The following POU4F2 variants were observed in gnomAD, a reference collection of about 807,000 sequenced individuals.
POU4F2 encodes POU class 4 homeobox 2, also known as POU domain, class 4, transcription factor 2.
In POU4F2, 10 loss-of-function variants were observed where a neutral mutation model predicts 21.5. That is an observed-to-expected ratio of 0.46 (90% CI 0.29 to 0.79). The LOEUF (loss-of-function observed/expected upper bound fraction) is 0.79. Ranked by LOEUF, POU4F2 falls within the 30% of genes least tolerant of loss-of-function variation. The pLI is 0.10. For missense variants in POU4F2, 623 were observed against 603.3 expected (o/e 1.03, Z -0.34); for synonymous variants, 324 against 271.1 (o/e 1.20, Z -1.92).
At position 146,640,064 on chromosome 4, in the gene POU4F2, G is replaced by A. The variant is rs1440853467; in HGVS notation, c.486G>A (p.Ser162=). ...CCTCTTCTTCATCGGTGCCCATCTC[G>A]CACCCTTCCGCGTTGGCGGGCACGC... The part of the protein sequence containing the change: ...SAASSSSVPI[S]HPSALAGTHH... The change falls in exon 2 of 2, where the codon TCG becomes TCA. Residue 162 remains serine, a synonymous_variant. Transcript: ENST00000281321. This position sits in a 1 kb window ranked among gnomAD's most constrained non-coding sequence, Gnocchi z 4.8. 6.2e-7 allele frequency: 1 copy of A among 1,607,186 alleles called. No homozygotes were observed. The highest frequency in any genetic ancestry group is 8.5e-7 in the Non-Finnish European group (1 of 1,179,844).
In POU4F2 at chr4:146,641,594, T is replaced by G. The variant is rs1227894664; in HGVS notation, c.*786T>G. On this transcript the variant is annotated 3_prime_UTR_variant, in exon 2 of 2. Transcript: ENST00000281321. ...TATAGCTAGTAACGTTCAAAAAATT[T>G]TGTTTGATGAGTTTACCGAATTTTT... 6.6e-6 allele frequency: 1 copy of G among 152,628 alleles called. No homozygotes were observed. Among genetic ancestry groups the G allele is most frequent in the Admixed American group, 6.5e-5 (1 of 15,284 alleles). The allele number at this position is 152,628 out of a possible 1,614,324, so 9.5% of individuals were successfully genotyped here.
chr4:146,638,990 G>A lies in POU4F2; in HGVS notation c.-151G>A. 1.0e-6 allele frequency: 1 copy of A among 963,438 alleles called. No homozygotes were observed. Among genetic ancestry groups the A allele is most frequent in the Non-Finnish European group, 1.5e-6 (1 of 669,898 alleles). 59.7% of individuals were successfully genotyped at this position (963,438 alleles called of 1,614,324 possible). A position where few individuals can be genotyped will look rare whatever the true frequency, so the allele number is the denominator to read the frequency against. On this transcript the variant is annotated 5_prime_UTR_variant, in exon 1 of 2. Coordinates refer to ENST00000281321, the MANE Select transcript of POU4F2 (RefSeq NM_004575.3). Reference sequence around the variant, plus strand: ...GCGAAGGAGCGCGTAGCCGAGATCAGGCGTACAGAGTCCGGAGGCGGCGGC... The same window carrying A: ...GCGAAGGAGCGCGTAGCCGAGATCAAGCGTACAGAGTCCGGAGGCGGCGGC...
chr4:146,642,140 T>C lies in POU4F2; in HGVS notation c.*1332T>C, dbSNP rs1455784727. 6.6e-6 allele frequency: 1 copy of C among 152,638 alleles called. No individual in the cohort carries two copies. Among genetic ancestry groups the C allele is most frequent in the African/African-American group, 2.4e-5 (1 of 41,450 alleles). 9.5% of individuals were successfully genotyped at this position (152,638 alleles called of 1,614,324 possible). On this transcript the variant is annotated 3_prime_UTR_variant, in exon 2 of 2. Transcript: ENST00000281321. ...GTGCACTGCTTGTAAATTCACATTG[T>C]TTGGAAAAATTCTTTTGGAACAAAA... is the stretch of plus-strand genomic sequence containing the variant.
rs752223847 is a variant in POU4F2 at position 146,641,049 on chromosome 4, C to T, written c.*241C>T. On this transcript the variant is annotated 3_prime_UTR_variant, in exon 2 of 2. Transcript: ENST00000281321. ...ATTTGTCTGTTGTAGCAAAGTTGTCCCTTTGAACCCCACCTCGGCTTCTTC... is the reference window on the plus strand; with the variant it reads ...ATTTGTCTGTTGTAGCAAAGTTGTCTCTTTGAACCCCACCTCGGCTTCTTC... The T allele has an allele frequency of 7.1e-6, 3 of 424,938 alleles. No individual in the cohort carries two copies. The highest frequency in any genetic ancestry group is 8.5e-5 in the Admixed American group (2 of 23,492). 26.3% of individuals were successfully genotyped at this position (424,938 alleles called of 1,614,324 possible).
rs962160873 is a variant in POU4F2 at position 146,639,016 on chromosome 4, G to T, written c.-125G>T. On this transcript the variant is annotated 5_prime_UTR_variant, in exon 1 of 2. Coordinates refer to ENST00000281321, the MANE Select transcript of POU4F2 (RefSeq NM_004575.3). ...GCGTACAGAGTCCGGAGGCGGCGGCGGGTGAGCTCAACTTCGCACAGCCCT... is the reference window on the plus strand; with the variant it reads ...GCGTACAGAGTCCGGAGGCGGCGGCTGGTGAGCTCAACTTCGCACAGCCCT... 73 of 1,265,870 alleles carry T rather than the reference G, an allele frequency of 5.8e-5. No homozygotes were observed. Among genetic ancestry groups the T allele is most frequent in the Middle Eastern group, 4.6e-4 (2 of 4,348 alleles). The allele number at this position is 1,265,870 out of a possible 1,614,324, so 78.4% of individuals were successfully genotyped here.
chr4:146,640,929 C>A lies in POU4F2; in HGVS notation c.*121C>A. Reference sequence around the variant, plus strand: ...CCAGTAAATGTGAATCTCGACAAATCGAGGACTGAAGAGGGAGCGAACGAG... The same window carrying A: ...CCAGTAAATGTGAATCTCGACAAATAGAGGACTGAAGAGGGAGCGAACGAG... On this transcript the variant is annotated 3_prime_UTR_variant, in exon 2 of 2. Coordinates refer to ENST00000281321, the MANE Select transcript of POU4F2 (RefSeq NM_004575.3). This position sits in a 1 kb window ranked among gnomAD's most constrained non-coding sequence, Gnocchi z 4.8. 3 of 1,130,694 alleles carry A rather than the reference C, an allele frequency of 2.7e-6. No homozygotes were observed. The highest frequency in any genetic ancestry group is 2.7e-5 in the East Asian group (1 of 37,232). 70.0% of individuals were successfully genotyped at this position (1,130,694 alleles called of 1,614,324 possible).
At position 146,642,167 on chromosome 4, in the gene POU4F2, A is replaced by G. The variant is rs767513951; in HGVS notation, c.*1359A>G. ...TGGAAAAATTCTTTTGGAACAAAAA[A>G]TTAGGTACATGATAACTGGTACCTT... On this transcript the variant is annotated 3_prime_UTR_variant, in exon 2 of 2. Coordinates refer to ENST00000281321, the MANE Select transcript of POU4F2 (RefSeq NM_004575.3). 2.0e-5 allele frequency: 3 copies of G among 152,676 alleles called. No individual in the cohort carries two copies. The highest frequency in any genetic ancestry group is 2.9e-5 in the Non-Finnish European group (2 of 68,054). 9.5% of individuals were successfully genotyped at this position (152,676 alleles called of 1,614,324 possible). A position where few individuals can be genotyped will look rare whatever the true frequency, so the allele number is the denominator to read the frequency against.
rs60422325 is a variant in POU4F2, at chr4:146,641,856, T to TAC, written c.*1073_*1074dup. On this transcript the variant is annotated 3_prime_UTR_variant, in exon 2 of 2. Transcript: ENST00000281321. ...ACACATGAGCGCTCTCACTTACCCTTACACACACACACACACACACACACA... is the reference window on the plus strand; with the variant it reads ...ACACATGAGCGCTCTCACTTACCCTTACACACACACACACACACACACACACA... 0.34 allele frequency: 49,909 copies of TAC among 148,674 alleles called. 8,735 individuals carry two copies. The highest frequency in any genetic ancestry group is 0.44 in the East Asian group (2,237 of 5,036). 9.2% of individuals were successfully genotyped at this position (148,674 alleles called of 1,614,324 possible). A position where few individuals can be genotyped will look rare whatever the true frequency, so the allele number is the denominator to read the frequency against.
At position 146,642,226 on chromosome 4, in the gene POU4F2, C is replaced by A. The variant is rs577911804; in HGVS notation, c.*1418C>A. The A allele has an allele frequency of 5.9e-5, 9 of 152,572 alleles. No homozygotes were observed. In the South Asian group the frequency reaches 1.7e-3, roughly 28 times the overall value. The allele number at this position is 152,572 out of a possible 1,614,324, so 9.5% of individuals were successfully genotyped here. A position where few individuals can be genotyped will look rare whatever the true frequency, so the allele number is the denominator to read the frequency against. On this transcript the variant is annotated 3_prime_UTR_variant, in exon 2 of 2. Transcript: ENST00000281321. ...TAAATATTTCATTAAAAATGATGCA[C>A]ACATAGATATATTCTTACAAATTTT...
In POU4F2 at chr4:146,639,137, G is replaced by A. The variant is rs745439783; in HGVS notation, c.-4G>A. The A allele has an allele frequency of 3.9e-5, 63 of 1,603,442 alleles. 4 individuals are homozygous for A. In the South Asian group the frequency reaches 5.4e-4, roughly 14 times the overall value. ...TACGGACCAGCGCCCCGGCGGGCGG[G>A]AAGATGATGATGATGTCCCTGAACA... On this transcript the variant is annotated 5_prime_UTR_variant, in exon 1 of 2. Coordinates refer to ENST00000281321, the MANE Select transcript of POU4F2 (RefSeq NM_004575.3).
At position 146,640,571 on chromosome 4, in the gene POU4F2, C is replaced by G; in HGVS notation, c.993C>G (p.Arg331=). 4 of 1,613,702 alleles carry G rather than the reference C, an allele frequency of 2.5e-6. No individual in the cohort carries two copies. The highest frequency in any genetic ancestry group is 3.4e-6 in the Non-Finnish European group (4 of 1,179,754). Residue 331 remains arginine, a synonymous_variant, in exon 2 of 2, where the codon CGC becomes CGG. Coordinates refer to ENST00000281321, the MANE Select transcript of POU4F2 (RefSeq NM_004575.3). The surrounding 1 kb of genome is among the most constrained non-coding windows in gnomAD (Gnocchi z 4.8). ...AWLEEAEKSH[R]EKLTKPELFN... is the part of the protein sequence containing the mutation. Reference sequence around the variant, plus strand: ...TCGAGGAGGCCGAGAAGTCCCACCGCGAGAAGCTCACCAAGCCTGAACTCT... The same window carrying G: ...TCGAGGAGGCCGAGAAGTCCCACCGGGAGAAGCTCACCAAGCCTGAACTCT...
In POU4F2 at chr4:146,639,891, G is replaced by A. The variant is rs1740839664; in HGVS notation, c.313G>A (p.Glu105Lys). 2 of 1,557,092 alleles carry A rather than the reference G, an allele frequency of 1.3e-6. No individual in the cohort carries two copies. The highest frequency in any genetic ancestry group is 1.7e-6 in the Non-Finnish European group (2 of 1,150,260). The change falls in exon 2 of 2, where the codon GAG (glutamate) becomes AAG (lysine). Residue 105 changes from glutamate (E) to lysine (K), a missense_variant. This residue lies in a region of POU4F2 where 523 missense variants were observed against 504.1 expected (regional missense o/e 1.04). Coordinates refer to ENST00000281321, the MANE Select transcript of POU4F2 (RefSeq NM_004575.3). ...GAGCAATATATTCGGCGGGCTGGAT[G>A]AGAGTCTGCTGGCCCGCGCCGAGGC... ...PPSNIFGGLD[E>K]SLLARAEALA...
In POU4F2 at chr4:146,639,400, TGCG is replaced by T; in HGVS notation, c.262_264del (p.Arg89del). 1 of 1,468,112 alleles carries T rather than the reference TGCG, an allele frequency of 6.8e-7. No homozygotes were observed. Among genetic ancestry groups the T allele is most frequent in the Non-Finnish European group, 8.9e-7 (1 of 1,117,958 alleles). 90.9% of individuals were successfully genotyped at this position (1,468,112 alleles called of 1,614,324 possible). A position where few individuals can be genotyped will look rare whatever the true frequency, so the allele number is the denominator to read the frequency against. ...AGCGGCGGCGGGGGCTCGGAGGCTATGCGGAGAGCCTGTCTTCCAACCCCACCG... is the reference window on the plus strand; with the variant it reads ...AGCGGCGGCGGGGGCTCGGAGGCTATGAGAGCCTGTCTTCCAACCCCACCG... On this transcript the variant is annotated inframe_deletion, in exon 1 of 2. Coordinates refer to ENST00000281321, the MANE Select transcript of POU4F2 (RefSeq NM_004575.3).
At position 146,639,965 on chromosome 4, in the gene POU4F2, T is replaced by A; in HGVS notation, c.387T>A (p.His129Gln). 2 of 1,611,406 alleles carry A rather than the reference T, an allele frequency of 1.2e-6. No homozygotes were observed. Among genetic ancestry groups the A allele is most frequent in the Non-Finnish European group, 1.7e-6 (2 of 1,178,652 alleles). The change falls in exon 2 of 2, where the codon CAT (histidine) becomes CAA (glutamine). Residue 129 changes from histidine (H) to glutamine (Q), a missense_variant. His to Gln is a conservative substitution (Grantham distance 24). Around this residue, in one of 3 missense-constraint regions of POU4F2, gnomAD observed 523 missense variants for 504.1 expected, o/e 1.04. Transcript: ENST00000281321. ...IVSQSKSHHH[H>Q]PPHHSPFKPD... ...CCCAGAGCAAGAGCCACCACCACCA[T>A]CCACCCCACCACAGCCCCTTCAAAC...
At chr4:146,639,463 C>T (rs1238791720) in intron 1 of POU4F2, 35 bp downstream of exon 1, 1 of 1,450,358 alleles carries the variant, frequency 6.9e-7, no homozygotes, top group Non-Finnish European at 9.0e-7. Context: ...CTTAAAGGCA[C>T]ATTTTGACAG....
chr4:146,639,361 G>A lies in POU4F2; in HGVS notation c.221G>A (p.Ser74Asn). ...GGCGGAGGCCGAAGCAGCAGCTCCA[G>A]CAGCAGTGGCAGCAGCGGCGGCGGG... ...GGGGGRSSSS[S>N]SSGSSGGGGS... is the part of the protein sequence containing the mutation. Residue 74 changes from serine (S) to asparagine (N), a missense_variant, in exon 1 of 2, where the codon AGC becomes AAC. Physicochemically the swap from Ser to Asn is conservative, Grantham distance 46. Transcript: ENST00000281321. 6 of 1,478,340 alleles carry A rather than the reference G, an allele frequency of 4.1e-6. No individual in the cohort carries two copies. Among genetic ancestry groups the A allele is most frequent in the Non-Finnish European group, 5.4e-6 (6 of 1,121,378 alleles). The allele number at this position is 1,478,340 out of a possible 1,614,324, so 91.6% of individuals were successfully genotyped here. A position where few individuals can be genotyped will look rare whatever the true frequency, so the allele number is the denominator to read the frequency against.
chr4:146,640,238 G>T lies in POU4F2; in HGVS notation c.660G>T (p.Pro220=), dbSNP rs951383216. ...TGGTGTCCACGCCGGCTCACGCGCC[G>T]CACATGGCCACCATGAACCCCATGC... ...GAVVSTPAHA[P]HMATMNPMHQ... Residue 220 remains proline (P), a synonymous_variant, in exon 2 of 2, where the codon CCG becomes CCT. Transcript: ENST00000281321. This position sits in a 1 kb window ranked among gnomAD's most constrained non-coding sequence, Gnocchi z 4.8. 8 of 1,579,906 alleles carry T rather than the reference G, an allele frequency of 5.1e-6. No homozygotes were observed. The highest frequency in any genetic ancestry group is 6.0e-6 in the Non-Finnish European group (7 of 1,168,720).
Position 146,639,396 on chromosome 4 carries a change from G to T in POU4F2, c.256G>T (p.Ala86Ser). The part of the protein sequence containing the change: ...SGSSGGGGSE[A>S]MRRACLPTPP... ...CAGCAGCGGCGGCGGGGGCTCGGAG[G>T]CTATGCGGAGAGCCTGTCTTCCAAC... The change falls in exon 1 of 2, where the codon GCT becomes TCT. Residue 86 changes from alanine (A) to serine (S), a missense_variant. Coordinates refer to ENST00000281321, the MANE Select transcript of POU4F2 (RefSeq NM_004575.3). 1 of 1,468,986 alleles carries T rather than the reference G, an allele frequency of 6.8e-7. No homozygotes were observed. The highest frequency in any genetic ancestry group is 1.5e-5 in the South Asian group (1 of 65,736). 91.0% of individuals were successfully genotyped at this position (1,468,986 alleles called of 1,614,324 possible). A position where few individuals can be genotyped will look rare whatever the true frequency, so the allele number is the denominator to read the frequency against.
chr4:146,639,492 T>C (rs924254456), intron 1 of POU4F2, 64 bp downstream of exon 1: 2 of 1,445,086 alleles, frequency 1.4e-6, no homozygotes, highest in Non-Finnish European at 1.8e-6. Context: ...ATCTGCTTGA[T>C]GTTTTTTTCA....
Sources: gnomAD v4.1 joint callset for allele counts on GRCh38, gnomAD v4.1.1 for gene constraint, gnomAD v4.1.1 regional missense constraint, Gnocchi (gnomAD v3.1) non-coding constraint, MANE v1.5 for transcripts, NCBI Gene and HGNC (gene_info 2026-07-23, HGNC 2026-07-21) for gene names.